The following FMN1 variants were observed in gnomAD, a reference collection of about 807,000 sequenced individuals.
FMN1 encodes the protein formin-1.
A neutral mutation model predicts 132.4 loss-of-function variants in FMN1; 110 were observed. The observed-to-expected ratio is 0.83, with a 90% CI of 0.71 to 0.97. FMN1 has a LOEUF of 0.97. FMN1 is among the 50% of genes least tolerant of loss of function. FMN1 has a pLI of 0.00. For missense variants in FMN1, 1,792 were observed against 1,705.3 expected, an observed-to-expected ratio of 1.05 and a Z score of -0.90; for synonymous variants, 722 against 651.7, an observed-to-expected ratio of 1.11 and a Z score of -1.64.
chr15:33,066,106 G>A (rs1286707189), intron 5 of FMN1, among the ~76,000 whole-genome samples: 1 of 152,142 alleles, frequency 6.6e-6, no homozygotes, highest in East Asian at 1.9e-4. Flanking sequence ...TTTGTCAAAT[G>A]GCAGACTTTC....
At chr15:32,975,526 T>C (rs1439755169) in intron 7 of FMN1, among the ~76,000 whole-genome samples, 1 of 152,214 alleles carries the variant, frequency 6.6e-6, no homozygotes, top group Non-Finnish European at 1.5e-5. Flanking sequence ...TGTTAGACAT[T>C]ACTTACAGAC....
At chr15:33,179,889 GA>G (rs1965636499) in intron 3 of FMN1, among the ~76,000 whole-genome samples, 1 of 152,148 alleles carries the variant, frequency 6.6e-6, no homozygotes, top group African/African-American at 2.4e-5. Context: ...TGATTGGTAA[GA>G]AAAGTCTTCT....
intron 5 of FMN1, among the ~76,000 whole-genome samples, chr15:33,076,779 A>G (rs573182593): frequency 7.9e-4 from 121 of 152,344 alleles, no homozygotes; most frequent in Admixed American, 1.6e-3. Flanking sequence ...ACGGTATTTT[A>G]TAACAGTTTT....
chr15:32,924,872 C>T (rs770335895), intron 10 of FMN1, among the ~76,000 whole-genome samples: 32 of 152,170 alleles, frequency 2.1e-4, no homozygotes, highest in Admixed American at 1.3e-4. Context: ...CGAGATCACG[C>T]CACTGCACTC....
chr15:32,896,872 T>C (rs1596213353), intron 15 of FMN1, among the ~76,000 whole-genome samples: 1 of 152,284 alleles, frequency 6.6e-6, no homozygotes, highest in East Asian at 1.9e-4. Context: ...TCAATGAATA[T>C]GAGAGGGAAA....
At chr15:32,785,603 A>C (rs1396344363) in intron 19 of FMN1, among the ~76,000 whole-genome samples, 1 of 152,144 alleles carries the variant, frequency 6.6e-6, no homozygotes, top group Non-Finnish European at 1.5e-5. Flanking sequence ...CAGAAAATAC[A>C]ATCTGGTAAT....
At chr15:33,024,672 C>T (rs345860) in intron 6 of FMN1, among the ~76,000 whole-genome samples, 60,135 of 151,990 alleles carry the variant, frequency 0.4, 12,247 homozygotes, top group Admixed American at 0.48. Context: ...ACAATATCTA[C>T]CAAATGTAAA....
chr15:32,870,919 G>T (rs529944270), intron 16 of FMN1, among the ~76,000 whole-genome samples: 127 of 152,300 alleles, frequency 8.3e-4, no homozygotes, highest in African/African-American at 2.9e-3. Context: ...ACATTGTCAA[G>T]AATAATTTAA....
chr15:33,041,583 G>A (rs1457014864), intron 6 of FMN1, among the ~76,000 whole-genome samples: 1 of 151,338 alleles, frequency 6.6e-6, no homozygotes, highest in East Asian at 1.9e-4. Flanking sequence ...TTTCTTCCAA[G>A]AAGACATACA....
chr15:33,089,014 CAAAT>C (rs369034455), intron 4 of FMN1, 40 bp from the exon 5 acceptor site: 1,031 of 1,475,438 alleles, frequency 7.0e-4, no homozygotes, highest in South Asian at 1.2e-3. Context: ...ACATGGCAGC[CAAAT>C]AAATAAATAA....
intron 4 of FMN1, among the ~76,000 whole-genome samples, chr15:33,103,083 T>C (rs1233089818): frequency 6.6e-6 from 1 of 152,136 alleles, no homozygotes; most frequent in Non-Finnish European, 1.5e-5. Flanking sequence ...CTGTGTTTAG[T>C]AGATATATAA....
intron 6 of FMN1, among the ~76,000 whole-genome samples, chr15:33,061,502 G>C (rs1445557650): frequency 1.3e-5 from 2 of 151,814 alleles, no homozygotes; most frequent in Non-Finnish European, 2.9e-5. Flanking sequence ...ACTTTGAATA[G>C]TTTTATAAGA....
chr15:33,020,120 G>C (rs906283220), intron 6 of FMN1, among the ~76,000 whole-genome samples: 1 of 152,240 alleles, frequency 6.6e-6, no homozygotes, highest in Non-Finnish European at 1.5e-5. Flanking sequence ...TGGGGGTTGT[G>C]AGAACCCCTA....
chr15:33,095,622 C>A (rs2039054900), intron 4 of FMN1, among the ~76,000 whole-genome samples: 1 of 152,092 alleles, frequency 6.6e-6, no homozygotes, highest in Non-Finnish European at 1.5e-5. Flanking sequence ...ATCCTACCAC[C>A]TTGGCCTCTC....
chr15:32,772,326 A>G lies in FMN1; in HGVS notation c.*1984T>C, dbSNP rs149112832. On this transcript the variant is annotated 3_prime_UTR_variant, in exon 21 of 21. Transcript: ENST00000616417. ...TCCCGCTGCTCTCACCATCAAGCCTATAAGGATTGAGACTTCTGCTGGCCC... is the reference window on the plus strand; with the variant it reads ...TCCCGCTGCTCTCACCATCAAGCCTGTAAGGATTGAGACTTCTGCTGGCCC... 1,441 of 152,348 alleles carry G rather than the reference A, an allele frequency of 9.5e-3. 10 individuals carry two copies. The highest frequency in any genetic ancestry group is 0.016 in the Non-Finnish European group (1,119 of 68,056). The allele number at this position is 152,348 out of a possible 1,614,324, so 9.4% of individuals were successfully genotyped here.
rs76835557 is a variant in FMN1, at chr15:32,798,883, C to A, written c.4051G>T (p.Val1351Leu). 6.2e-7 allele frequency: 1 copy of A among 1,613,314 alleles called. No individual in the cohort carries two copies. The highest frequency in any genetic ancestry group is 8.5e-7 in the Non-Finnish European group (1 of 1,179,482). The change falls in exon 19 of 21, where the codon GTG (valine) becomes TTG (leucine). Residue 1351 changes from valine to leucine, a missense_variant. Around this residue, in one of 3 missense-constraint regions of FMN1, gnomAD observed 1,150 missense variants for 1,043.1 expected, o/e 1.10. Transcript: ENST00000616417. The part of the protein sequence containing the change: ...SGEKEITPSY[V>L]FMVWYEFCSD... ...CAGAACTCATACCACACCATAAACACGTAGCTGGGTGTGATCTCCTTCTCA... is the reference window on the plus strand; with the variant it reads ...CAGAACTCATACCACACCATAAACAAGTAGCTGGGTGTGATCTCCTTCTCA...
At chr15:32,903,084 T>G (rs576332861) in intron 12 of FMN1, among the ~76,000 whole-genome samples, 1 of 152,366 alleles carries the variant, frequency 6.6e-6, no homozygotes, top group South Asian at 2.1e-4. Context: ...CTGTGCTGCC[T>G]CTACCTTTAG....
intron 15 of FMN1, among the ~76,000 whole-genome samples, chr15:32,890,297 A>T (rs1211930799): frequency 6.6e-6 from 1 of 152,190 alleles, no homozygotes; most frequent in Non-Finnish European, 1.5e-5. Context: ...CAGTAGTGGG[A>T]TTGCTAGATC....
chr15:33,064,282 TAC>T (rs1268304536), intron 6 of FMN1: 1 of 152,248 alleles, frequency 6.6e-6, no homozygotes, highest in Non-Finnish European at 1.5e-5. Flanking sequence ...CATGGATATA[TAC>T]ACACACATGC....
Sources: allele counts gnomAD v4.1 joint callset (sites outside exome capture counted in the v4.1 genomes callset), GRCh38; gene constraint gnomAD v4.1.1; regional missense constraint gnomAD v4.1.1; transcripts MANE v1.5; gene names NCBI Gene and HGNC (gene_info 2026-07-23, HGNC 2026-07-21).